The following PTPRD variants were observed in gnomAD, a reference collection of about 807,000 sequenced individuals.
PTPRD encodes receptor-type tyrosine-protein phosphatase delta.
PTPRD carries 34 observed loss-of-function variants against 214.5 expected under a neutral mutation model. The observed-to-expected ratio is 0.16, with a 90% CI of 0.12 to 0.21. The LOEUF (loss-of-function observed/expected upper bound fraction) is 0.21. Ranked by LOEUF, PTPRD falls within the 10% of genes least tolerant of loss-of-function variation. The pLI, the probability that PTPRD is intolerant of heterozygous loss-of-function variation, is 1.00. For synonymous variants in PTPRD, 1,128 were observed against 845.7 expected, an observed-to-expected ratio of 1.33 and a Z score of -5.79; for missense variants, 2,545 against 2,398.7, an observed-to-expected ratio of 1.06 and a Z score of -1.27.
chr9:9,019,301 A>AAAGAAAGAAAGAAAGAAAGG lies in PTPRD; in HGVS notation c.-142-567_-142-566insCCTTTCTTTCTTTCTTTCTT, dbSNP rs1554629115. Among the ~76,000 whole-genome samples, 138 of 70,708 alleles carry AAAGAAAGAAAGAAAGAAAGG rather than the reference A, an allele frequency of 2.0e-3. 1 individual carries two copies. The highest frequency in any genetic ancestry group is 6.6e-3 in the African/African-American group (116 of 17,450). The allele number at this position is 70,708 out of a possible 152,430, so 46.4% of individuals were successfully genotyped here. On this transcript the variant is annotated intron_variant, in intron 10 of 45. Transcript: ENST00000381196. ...AGAAAGAAGAAAGAAAGAAAGAAAG[A>AAAGAAAGAAAGAAAGAAAGG]AAGAAAGAAAGAAAGAAAGAAAGAA... is the stretch of plus-strand genomic sequence containing the variant.
intron 5 of PTPRD, among the ~76,000 whole-genome samples, chr9:9,900,922 C>T (rs1262528765): frequency 1.3e-5 from 2 of 152,030 alleles, no homozygotes; most frequent in Admixed American, 1.3e-4. Flanking sequence ...ATAGCAATGC[C>T]CCACTCCTTG....
intron 11 of PTPRD, among the ~76,000 whole-genome samples, chr9:8,974,127 C>T (rs1035246389): frequency 5.3e-5 from 8 of 151,964 alleles, no homozygotes; most frequent in Admixed American, 1.3e-4. Flanking sequence ...TTGCCAAGGT[C>T]GATGTTGAGA....
At chr9:8,340,989 A>G in intron 41 of PTPRD, 101 bp downstream of exon 41, 1 of 1,244,780 alleles carries the variant, frequency 8.0e-7, no homozygotes, top group Non-Finnish European at 1.1e-6. Flanking sequence ...CTATGCAGAA[A>G]GAAAATGTCT....
intron 3 of PTPRD, among the ~76,000 whole-genome samples, chr9:10,264,558 G>T (rs2093923196): frequency 6.6e-6 from 1 of 152,168 alleles, no homozygotes; most frequent in South Asian, 2.1e-4. Context: ...TGGAACAGCT[G>T]TATTTACCCA....
chr9:10,561,943 G>C (rs1208299709), intron 2 of PTPRD, among the ~76,000 whole-genome samples: 1 of 152,116 alleles, frequency 6.6e-6, no homozygotes, highest in African/African-American at 2.4e-5. Flanking sequence ...TAATGCCACA[G>C]AATGCCTTTA....
At chr9:9,062,998 G>A (rs527292008) in intron 10 of PTPRD, among the ~76,000 whole-genome samples, 2 of 152,268 alleles carry the variant, frequency 1.3e-5, no homozygotes, top group Admixed American at 1.3e-4. Context: ...GTGGGTAGGG[G>A]CTAAACATGG....
At chr9:10,521,275 G>A (rs2052167630) in intron 2 of PTPRD, among the ~76,000 whole-genome samples, 1 of 152,126 alleles carries the variant, frequency 6.6e-6, no homozygotes, top group Admixed American at 6.6e-5. Flanking sequence ...TACAGAGGTG[G>A]TGGAAACAGC....
At chr9:10,282,146 T>G (rs2095148378) in intron 3 of PTPRD, among the ~76,000 whole-genome samples, 1 of 152,166 alleles carries the variant, frequency 6.6e-6, no homozygotes, top group South Asian at 2.1e-4. Context: ...GAACTGGGTT[T>G]GAATCCAGAC....
chr9:8,432,107 G>C (rs1416776244), intron 35 of PTPRD, among the ~76,000 whole-genome samples: 1 of 152,110 alleles, frequency 6.6e-6, no homozygotes, highest in African/African-American at 2.4e-5. Context: ...ATTTTGTTTG[G>C]CAAGGTCTAC....
chr9:9,858,698 G>A (rs1565817895), intron 5 of PTPRD, among the ~76,000 whole-genome samples: 1 of 152,046 alleles, frequency 6.6e-6, no homozygotes, highest in African/African-American at 2.4e-5. Context: ...ATGATATAAT[G>A]AAAAATGTAT....
At position 9,091,204 on chromosome 9, in the gene PTPRD, C is replaced by G. The variant is rs1046809512; in HGVS notation, c.-142-72469G>C. 2.0e-6 allele frequency: 3 copies of G among 1,486,392 alleles called. No individual in the cohort carries two copies. The African/African-American group carries it at 4.1e-5, about 20-fold the overall frequency. The allele number at this position is 1,486,392 out of a possible 1,614,324, so 92.1% of individuals were successfully genotyped here. ...CCGAACACCCCCACCCCGATTTAGA[C>G]CTGCGGGTGCTGCCCCACGTCCCCC... On this transcript the variant is annotated intron_variant, in intron 10 of 45. Coordinates refer to ENST00000381196, the MANE Select transcript of PTPRD (RefSeq NM_002839.4).
chr9:9,480,177 G>A (rs1001487584), intron 8 of PTPRD, among the ~76,000 whole-genome samples: 10 of 152,138 alleles, frequency 6.6e-5, no homozygotes, highest in African/African-American at 1.9e-4. Flanking sequence ...CAGTCCAAGG[G>A]TGCATGGATA....
intron 14 of PTPRD, among the ~76,000 whole-genome samples, chr9:8,621,194 TGA>T (rs1278346214): frequency 1.3e-5 from 2 of 151,812 alleles, no homozygotes; most frequent in African/African-American, 2.4e-5. Context: ...TCCACCATTC[TGA>T]GAGAGATTTT....
chr9:9,555,074 A>T (rs1220318510), intron 8 of PTPRD, among the ~76,000 whole-genome samples: 1 of 152,084 alleles, frequency 6.6e-6, no homozygotes, highest in Admixed American at 6.6e-5. Context: ...GGTTTGTTTA[A>T]AGGCATAAGT....
At chr9:9,751,258 C>T (rs557809802) in intron 6 of PTPRD, among the ~76,000 whole-genome samples, 28 of 152,160 alleles carry the variant, frequency 1.8e-4, no homozygotes, top group African/African-American at 6.7e-4. Context: ...ACTTTAGTTC[C>T]AGGCTTATTT....
At chr9:9,658,578 G>C (rs993075688) in intron 7 of PTPRD, among the ~76,000 whole-genome samples, 1 of 152,114 alleles carries the variant, frequency 6.6e-6, no homozygotes, top group African/African-American at 2.4e-5. Context: ...GATCACTTGT[G>C]AGATCCCTTC....
intron 8 of PTPRD, among the ~76,000 whole-genome samples, chr9:9,464,686 G>T (rs577880993): frequency 1.3e-5 from 2 of 151,986 alleles, no homozygotes; most frequent in Non-Finnish European, 2.9e-5. Flanking sequence ...TTTCCACCCC[G>T]GGAATCACAT....
At chr9:9,472,507 A>G (rs1249929716) in intron 8 of PTPRD, among the ~76,000 whole-genome samples, 2 of 151,914 alleles carry the variant, frequency 1.3e-5, no homozygotes, top group South Asian at 2.1e-4. Flanking sequence ...CCGGCCCCCT[A>G]CTCCAATCTT....
intron 12 of PTPRD, among the ~76,000 whole-genome samples, chr9:8,646,178 G>A (rs1245148818): frequency 1.3e-5 from 2 of 152,084 alleles, no homozygotes; most frequent in South Asian, 2.1e-4. Context: ...ATGCAACCAG[G>A]ATTGAGAATT....
Sources: gnomAD v4.1 joint callset for allele counts (sites outside exome capture counted in the v4.1 genomes callset) on GRCh38, gnomAD v4.1.1 for gene constraint, MANE v1.5 for transcripts, NCBI Gene and HGNC (gene_info 2026-07-23, HGNC 2026-07-21) for gene names.